CNTNAP2: variants seen among roughly 807,000 people sequenced by gnomAD.
CNTNAP2 encodes the protein contactin-associated protein-like 2.
CNTNAP2 carries 98 observed loss-of-function variants against 155.2 expected under a neutral mutation model. That is an observed-to-expected ratio of 0.63 (90% CI 0.54 to 0.75). The LOEUF (loss-of-function observed/expected upper bound fraction) is 0.75. CNTNAP2 is among the 30% of genes least tolerant of loss of function. The pLI, the probability that CNTNAP2 is intolerant of heterozygous loss-of-function variation, is 0.00. For synonymous variants in CNTNAP2, 651 were observed against 631.2 expected, an observed-to-expected ratio of 1.03 and a Z score of -0.47; for missense variants, 1,727 against 1,688.1, an observed-to-expected ratio of 1.02 and a Z score of -0.40.
chr7:147,312,530 C>T (rs530889704), intron 9 of CNTNAP2, among the ~76,000 whole-genome samples: 4 of 121,280 alleles, frequency 3.3e-5, no homozygotes, highest in African/African-American at 7.2e-5. Context: ...TTTGTCCTTG[C>T]GATAGTTTAC....
At chr7:148,116,126 G>C (rs370083862) in intron 15 of CNTNAP2, among the ~76,000 whole-genome samples, 2 of 149,790 alleles carry the variant, frequency 1.3e-5, no homozygotes, top group African/African-American at 4.9e-5. Flanking sequence ...GCCACAGAGC[G>C]AGACTCTGTC....
chr7:146,942,548 C>CA (rs895300811), intron 3 of CNTNAP2, among the ~76,000 whole-genome samples: 38 of 151,912 alleles, frequency 2.5e-4, no homozygotes, highest in African/African-American at 8.2e-4. Context: ...TTATTAAAAA[C>CA]AAAAAACTTG....
chr7:148,071,669 G>A (rs1004825324), intron 15 of CNTNAP2, among the ~76,000 whole-genome samples: 2 of 152,158 alleles, frequency 1.3e-5, no homozygotes, highest in African/African-American at 4.8e-5. Flanking sequence ...CTTCCTAAAA[G>A]GAAAAGAGTA....
At chr7:146,554,147 A>G (rs991006152) in intron 1 of CNTNAP2, among the ~76,000 whole-genome samples, 1 of 152,164 alleles carries the variant, frequency 6.6e-6, no homozygotes, top group African/African-American at 2.4e-5. Flanking sequence ...TCTACAAACA[A>G]CTGGAGCCTT....
intron 1 of CNTNAP2, among the ~76,000 whole-genome samples, chr7:146,563,433 C>T (rs954327918): frequency 1.3e-5 from 2 of 152,092 alleles, no homozygotes; most frequent in African/African-American, 4.8e-5. Flanking sequence ...ATTAATACTG[C>T]CTATCCTCAG....
chr7:147,714,697 G>A (rs548442201), intron 13 of CNTNAP2, among the ~76,000 whole-genome samples: 23 of 152,062 alleles, frequency 1.5e-4, no homozygotes, highest in South Asian at 8.3e-4. Context: ...ACTTGTGCAC[G>A]TGTGTGTGTA....
intron 13 of CNTNAP2, among the ~76,000 whole-genome samples, chr7:147,772,052 C>A (rs1182564815): frequency 6.6e-6 from 1 of 151,944 alleles, no homozygotes; most frequent in Non-Finnish European, 1.5e-5. Context: ...AACTTACAAG[C>A]CATAAAATTA....
intron 21 of CNTNAP2, among the ~76,000 whole-genome samples, chr7:148,287,938 C>G (rs534133823): frequency 6.6e-6 from 1 of 151,172 alleles, no homozygotes; most frequent in African/African-American, 2.4e-5. Flanking sequence ...ATTACAGGCA[C>G]GTGCCACCAC....
chr7:147,379,397 G>A (rs1474535564), intron 9 of CNTNAP2, among the ~76,000 whole-genome samples: 2 of 151,922 alleles, frequency 1.3e-5, no homozygotes, highest in Non-Finnish European at 2.9e-5. Context: ...TTGTTTTCTT[G>A]AGTTTTATAT....
Position 146,561,971 on chromosome 7 carries a change from T to TG in CNTNAP2, c.98-212300_98-212299insG, listed in dbSNP as rs549705077. 4.6e-3 allele frequency among the ~76,000 whole-genome samples: 700 copies of TG among 152,078 alleles called. 5 individuals are homozygous for TG. Among genetic ancestry groups the TG allele is most frequent in the African/African-American group, 0.016 (653 of 41,498 alleles). ...ATATTCAGCTATTTTTTATATTTTT[T>TG]TAGAGATGGGGTTTCACAATGTTGC... On this transcript the variant is annotated intron_variant, in intron 1 of 23. Transcript: ENST00000361727.
intron 1 of CNTNAP2, among the ~76,000 whole-genome samples, chr7:146,428,379 C>CTT (rs145897351): frequency 6.6e-6 from 1 of 151,936 alleles, no homozygotes; most frequent in African/African-American, 2.4e-5. Context: ...AAAAGCATTC[C>CTT]TTTTTTTATC....
intron 3 of CNTNAP2, among the ~76,000 whole-genome samples, chr7:146,967,700 A>G (rs1797685136): frequency 6.6e-6 from 1 of 152,228 alleles, no homozygotes. Context: ...CAGCTTAAGG[A>G]GATTTTAGGC....
In CNTNAP2 at chr7:147,159,615, G is replaced by A. The variant is rs184480999; in HGVS notation, c.1348+27106G>A. The stretch of plus-strand genomic sequence containing the variant: ...GAACAAGGTAAAGTAGTCTCATCTC[G>A]TTTTAGTCAACCATATGTTCTGAAG... On this transcript the variant is annotated intron_variant, in intron 8 of 23. Transcript: ENST00000361727. Among the ~76,000 whole-genome samples, 306 of 152,160 alleles carry A rather than the reference G, an allele frequency of 2.0e-3. 1 individual carries two copies. Among genetic ancestry groups the A allele is most frequent in the Middle Eastern group, 0.01 (3 of 294 alleles).
At chr7:146,237,703 C>G (rs1396834715) in intron 1 of CNTNAP2, among the ~76,000 whole-genome samples, 1 of 151,878 alleles carries the variant, frequency 6.6e-6, no homozygotes, top group African/African-American at 2.4e-5. Flanking sequence ...TGGGGACAAT[C>G]AGGGCCATAA....
At chr7:146,614,900 T>G (rs1799199315) in intron 1 of CNTNAP2, among the ~76,000 whole-genome samples, 1 of 152,200 alleles carries the variant, frequency 6.6e-6, no homozygotes, top group Non-Finnish European at 1.5e-5. Flanking sequence ...TTCTATTCAG[T>G]TATCTGCGTA....
chr7:147,600,493 T>A (rs1175782305), intron 12 of CNTNAP2, among the ~76,000 whole-genome samples: 1 of 152,168 alleles, frequency 6.6e-6, no homozygotes, highest in Non-Finnish European at 1.5e-5. Flanking sequence ...CATGTGCATT[T>A]TATATAATTT....
At chr7:147,406,842 A>G (rs1797012698) in intron 10 of CNTNAP2, among the ~76,000 whole-genome samples, 1 of 152,232 alleles carries the variant, frequency 6.6e-6, no homozygotes, top group Non-Finnish European at 1.5e-5. Flanking sequence ...ATCAGTAAAC[A>G]GGTTGATTTA....
chr7:147,433,281 GT>G (rs1484834122), intron 10 of CNTNAP2, among the ~76,000 whole-genome samples: 14 of 152,122 alleles, frequency 9.2e-5, no homozygotes, highest in African/African-American at 3.4e-4. Flanking sequence ...AGACAAATTT[GT>G]TTAGGCGATA....
intron 8 of CNTNAP2, among the ~76,000 whole-genome samples, chr7:147,151,248 A>T (rs1464528890): frequency 1.3e-5 from 2 of 152,182 alleles, no homozygotes; most frequent in Admixed American, 1.3e-4. Flanking sequence ...TAGGCTAGTG[A>T]AAAACAATGA....
Sources: gnomAD v4.1 joint callset for allele counts (sites outside exome capture counted in the v4.1 genomes callset) on GRCh38, gnomAD v4.1.1 for gene constraint, MANE v1.5 for transcripts, NCBI Gene and HGNC (gene_info 2026-07-23, HGNC 2026-07-21) for gene names.